TPD52L1: variants seen among roughly 807,000 people sequenced by gnomAD.
TPD52L1 encodes TPD52 like 1.
A neutral mutation model predicts 28.7 loss-of-function variants in TPD52L1; 18 were observed. The ratio of observed to expected loss-of-function variants is 0.63; its 90% CI spans 0.43 to 0.93. The LOEUF is 0.93. TPD52L1 is among the 40% of genes least tolerant of loss of function. TPD52L1 has a pLI of 0.00. For synonymous variants in TPD52L1, 75 were observed against 88.8 expected (o/e 0.84, Z 0.88); for missense variants, 203 against 254.8 (o/e 0.80, Z 1.39).
rs1798165782 is a variant in TPD52L1 at position 125,263,356 on chromosome 6, AG to A, written c.*395del. 1 of 178,238 alleles carries A rather than the reference AG, an allele frequency of 5.6e-6. No individual in the cohort carries two copies. Among genetic ancestry groups the A allele is most frequent in the Non-Finnish European group, 1.2e-5 (1 of 83,576 alleles). The allele number at this position is 178,238 out of a possible 1,614,324, so 11.0% of individuals were successfully genotyped here. ...AATGAACAGTCCCTTTCAGTTCAGC[AG>A]ATCAACAGGATGGAGCTCTTCATGA... On this transcript the variant is annotated 3_prime_UTR_variant, in exon 7 of 7. Transcript: ENST00000534000.
chr6:125,176,698 A>C (rs890155271), intron 1 of TPD52L1, among the ~76,000 whole-genome samples: 1 of 152,108 alleles, frequency 6.6e-6, no homozygotes, highest in Admixed American at 6.6e-5. Context: ...AATTCCGATA[A>C]TCAACTGTTT....
intron 5 of TPD52L1, 30 bp from the exon 6 acceptor site, chr6:125,257,068 G>A (rs1685623361): frequency 6.2e-7 from 1 of 1,600,524 alleles, no homozygotes; most frequent in Non-Finnish European, 8.5e-7. Context: ...TAGGCCTTTG[G>A]AGCTGACCTC....
At chr6:125,172,826 A>G (rs1271289803) in intron 1 of TPD52L1, among the ~76,000 whole-genome samples, 5 of 151,578 alleles carry the variant, frequency 3.3e-5, no homozygotes, top group South Asian at 2.1e-4. Context: ...AAATAAAGTA[A>G]GCTATAATGT....
In TPD52L1 at chr6:125,258,697, A is replaced by G. The variant is rs528739714; in HGVS notation, c.486+1539A>G. 7.2e-4 allele frequency among the ~76,000 whole-genome samples: 110 copies of G among 152,292 alleles called. 1 individual carries two copies. The highest frequency in any genetic ancestry group is 3.4e-3 in the Middle Eastern group (1 of 294). On this transcript the variant is annotated intron_variant, in intron 6 of 6. Coordinates refer to ENST00000534000, the MANE Select transcript of TPD52L1 (RefSeq NM_003287.4). Reference sequence around the variant, plus strand: ...CATAGGATTTAAGTGTTTGATCCACATGTTCAGCTTCTCACTTTTCTCACC... The same window carrying G: ...CATAGGATTTAAGTGTTTGATCCACGTGTTCAGCTTCTCACTTTTCTCACC...
intron 1 of TPD52L1, among the ~76,000 whole-genome samples, chr6:125,193,693 T>C (rs1304572626): frequency 6.6e-6 from 1 of 152,170 alleles, no homozygotes; most frequent in East Asian, 1.9e-4. Flanking sequence ...TATATGCATA[T>C]ATTTTAAAAA....
At chr6:125,214,402 C>G in intron 1 of TPD52L1, 2 of 969,682 alleles carry the variant, frequency 2.1e-6, no homozygotes, top group Non-Finnish European at 2.5e-6. Context: ...TCTCCTCATT[C>G]TCTCCTCCTT....
chr6:125,207,636 C>T (rs985143583), intron 1 of TPD52L1, among the ~76,000 whole-genome samples: 2 of 152,192 alleles, frequency 1.3e-5, no homozygotes, highest in Non-Finnish European at 2.9e-5. Context: ...ATTCAGATTC[C>T]CTGAGCTCAA....
Position 125,165,092 on chromosome 6 carries a change from A to ATATATATATATATATATATTTATTTATT in TPD52L1, c.19+11129_19+11130insATATATATATATTTATTTATTTATATAT. On this transcript the variant is annotated intron_variant, in intron 1 of 6. Transcript: ENST00000534000. ...CCTGTCTCTTAAAAAAAAGATATAT[A>ATATATATATATATATATATTTATTTATT]TATATATTTTAACTGTATATATATA... Among the ~76,000 whole-genome samples the ATATATATATATATATATATTTATTTATT allele has an allele frequency of 2.3e-4, 24 of 104,150 alleles. 1 individual carries two copies. The highest frequency in any genetic ancestry group is 1.3e-3 in the African/African-American group (21 of 16,438). The allele number at this position is 104,150 out of a possible 152,430, so 68.3% of individuals were successfully genotyped here. A position where few individuals can be genotyped will look rare whatever the true frequency, so the allele number is the denominator to read the frequency against.
intron 4 of TPD52L1, among the ~76,000 whole-genome samples, chr6:125,251,698 A>G (rs562133044): frequency 1.3e-5 from 2 of 152,346 alleles, no homozygotes; most frequent in East Asian, 1.9e-4. Context: ...CATTTTTCTA[A>G]TAACATTGGC....
intron 1 of TPD52L1, among the ~76,000 whole-genome samples, chr6:125,211,264 T>TATC (rs1377321813): frequency 1.1e-5 from 1 of 88,208 alleles, no homozygotes; most frequent in Non-Finnish European, 2.0e-5. Flanking sequence ...TGGATCTGTC[T>TATC]ATCTATCTAT....
At chr6:125,229,064 A>G (rs1317315703) in intron 2 of TPD52L1, 54 bp from the exon 3 acceptor site, 1 of 1,578,256 alleles carries the variant, frequency 6.3e-7, no homozygotes, top group African/African-American at 1.4e-5. Flanking sequence ...TTCTGTAAGT[A>G]TCCTTTTTTG....
At chr6:125,169,654 C>A (rs561714611) in intron 1 of TPD52L1, among the ~76,000 whole-genome samples, 73 of 152,310 alleles carry the variant, frequency 4.8e-4, no homozygotes, top group African/African-American at 1.5e-3. Flanking sequence ...ACCACCTCTG[C>A]TGGTATTGCC....
At chr6:125,171,510 G>T (rs141599970) in intron 1 of TPD52L1, among the ~76,000 whole-genome samples, 57 of 152,266 alleles carry the variant, frequency 3.7e-4, no homozygotes, top group Admixed American at 2.1e-3. Context: ...TGGAGCTGAG[G>T]CCCTCCTTGT....
intron 1 of TPD52L1, among the ~76,000 whole-genome samples, chr6:125,217,165 G>T (rs1459654368): frequency 6.6e-6 from 1 of 152,142 alleles, no homozygotes; most frequent in Admixed American, 6.5e-5. Flanking sequence ...TAAGGCAGCA[G>T]TCCCCAACCT....
chr6:125,168,352 A>G (rs1477107511), intron 1 of TPD52L1, among the ~76,000 whole-genome samples: 9 of 151,994 alleles, frequency 5.9e-5, no homozygotes, highest in Non-Finnish European at 1.3e-4. Flanking sequence ...CCTGAGACCC[A>G]CCACAGGGAT....
At chr6:125,167,146 T>A (rs1790967487) in intron 1 of TPD52L1, among the ~76,000 whole-genome samples, 1 of 152,048 alleles carries the variant, frequency 6.6e-6, no homozygotes, top group Non-Finnish European at 1.5e-5. Flanking sequence ...ATGCCTGTAG[T>A]CCCACTACTC....
chr6:125,156,759 ACT>A (rs1028668867), intron 1 of TPD52L1, among the ~76,000 whole-genome samples: 5 of 152,130 alleles, frequency 3.3e-5, no homozygotes, highest in African/African-American at 1.2e-4. Context: ...AGAGGGCAAG[ACT>A]CTGTCTCAAA....
intron 1 of TPD52L1, among the ~76,000 whole-genome samples, chr6:125,172,553 A>ATATAT (rs1791549057): frequency 3.2e-5 from 2 of 63,272 alleles, no homozygotes; most frequent in Non-Finnish European, 5.5e-5. Flanking sequence ...TATATATATA[A>ATATAT]TATATATACT....
chr6:125,189,986 C>T (rs1316413013), intron 1 of TPD52L1, among the ~76,000 whole-genome samples: 1 of 152,082 alleles, frequency 6.6e-6, no homozygotes, highest in African/African-American at 2.4e-5. Flanking sequence ...CACCTTTCCA[C>T]TTTCCTTTCT....
Sources: allele counts gnomAD v4.1 joint callset (sites outside exome capture counted in the v4.1 genomes callset), GRCh38; gene constraint gnomAD v4.1.1; transcripts MANE v1.5; gene names NCBI Gene and HGNC (gene_info 2026-07-23, HGNC 2026-07-21).